Variants in SDK2 observed in about 807,000 individuals in gnomAD.
SDK2 encodes the protein sidekick cell adhesion molecule 2, also known as protein sidekick-2.
In SDK2, 105 loss-of-function variants were observed where a neutral mutation model predicts 253.9. The observed-to-expected ratio is 0.41, with a 90% CI of 0.35 to 0.49. The LOEUF is 0.49. Among genes scored for constraint, SDK2 ranks in the 20% least tolerant of loss-of-function variants. The pLI is 0.06. For missense variants in SDK2, 2,608 were observed against 3,003.0 expected (o/e 0.87, Z 3.07); for synonymous variants, 1,249 against 1,234.9 (o/e 1.01, Z -0.24).
intron 4 of SDK2, among the ~76,000 whole-genome samples, chr17:73,453,079 CT>C (rs1234644127): frequency 6.6e-6 from 1 of 152,244 alleles, no homozygotes; most frequent in Non-Finnish European, 1.5e-5. Context: ...TGTCCCGTGA[CT>C]TTGCAGGTCC....
chr17:73,385,501 G>T (rs920437684), intron 32 of SDK2, among the ~76,000 whole-genome samples: 1 of 152,122 alleles, frequency 6.6e-6, no homozygotes, highest in African/African-American at 2.4e-5. Flanking sequence ...GCAGGCCTAA[G>T]GCTAATACAC....
intron 1 of SDK2, among the ~76,000 whole-genome samples, chr17:73,572,686 T>TTGAC (rs1294683787): frequency 6.6e-6 from 1 of 152,192 alleles, no homozygotes; most frequent in East Asian, 1.9e-4. Flanking sequence ...TCCATAAAGA[T>TTGAC]TGACTGACTG....
In SDK2 at chr17:73,511,685, G is replaced by A. The variant is rs2063982144; in HGVS notation, c.65-4088C>T. Among the ~76,000 whole-genome samples, 1 of 152,156 alleles carries A rather than the reference G, an allele frequency of 6.6e-6. No individual in the cohort carries two copies. The highest frequency in any genetic ancestry group is 1.5e-5 in the Non-Finnish European group (1 of 68,014). ...GCGGTGAAGTCACCCCCTCCCGAAA[G>A]TCAACCTGCCCCCTGGATACAGGGA... is the stretch of plus-strand genomic sequence containing the variant. On this transcript the variant is annotated intron_variant, in intron 1 of 44. Coordinates refer to ENST00000392650, the MANE Select transcript of SDK2 (RefSeq NM_001144952.2). This position sits in a 1 kb window ranked among gnomAD's most constrained non-coding sequence, Gnocchi z 4.9.
At chr17:73,411,178 T>C (rs1002827499) in intron 18 of SDK2, among the ~76,000 whole-genome samples, 1 of 152,198 alleles carries the variant, frequency 6.6e-6, no homozygotes, top group African/African-American at 2.4e-5. Flanking sequence ...TTCACTGCCT[T>C]CCTGGGATTG....
At position 73,438,035 on chromosome 17, in the gene SDK2, T is replaced by C; in HGVS notation, c.845A>G (p.Tyr282Cys). Residue 282 changes from tyrosine to cysteine, a missense_variant, in exon 7 of 45, where the codon TAC becomes TGC. Coordinates refer to ENST00000392650, the MANE Select transcript of SDK2 (RefSeq NM_001144952.2). ...GCTGCGCAGGACAGCCTCACACTCG[T>C]AGTAGCCGGCGTCACTGCCGGTGGG... ...PNPTGSDAGY[Y>C]ECEAVLRSSS... 1 of 1,551,630 alleles carries C rather than the reference T, an allele frequency of 6.4e-7. No individual in the cohort carries two copies. The highest frequency in any genetic ancestry group is 8.7e-7 in the Non-Finnish European group (1 of 1,147,024).
At chr17:73,483,945 G>A (rs2063754682) in intron 2 of SDK2, among the ~76,000 whole-genome samples, 1 of 151,482 alleles carries the variant, frequency 6.6e-6, no homozygotes, top group Non-Finnish European at 1.5e-5. Flanking sequence ...CAGTTTAAAT[G>A]GCTGGGAAAA....
intron 1 of SDK2, among the ~76,000 whole-genome samples, chr17:73,562,855 C>T (rs2045257628): frequency 2.0e-5 from 3 of 152,218 alleles, no homozygotes; most frequent in Admixed American, 2.0e-4. Flanking sequence ...TGGCAGCAGC[C>T]GCACGAGGCA....
At position 73,506,139 on chromosome 17, in the gene SDK2, C is replaced by T. The variant is rs1448621038; in HGVS notation, c.224+1299G>A. On this transcript the variant is annotated intron_variant, in intron 2 of 44. Coordinates refer to ENST00000392650, the MANE Select transcript of SDK2 (RefSeq NM_001144952.2). ...CCATGCTCTTGGTCACCCACTTGAG[C>T]GTGTCCAAAGTCTAAGATGATGCAG... Among the ~76,000 whole-genome samples the T allele has an allele frequency of 3.3e-5, 5 of 152,352 alleles. No individual in the cohort carries two copies. The East Asian group carries it at 9.7e-4, about 29-fold the overall frequency.
intron 1 of SDK2, among the ~76,000 whole-genome samples, chr17:73,640,117 G>A (rs1323997270): frequency 6.6e-6 from 1 of 152,218 alleles, no homozygotes; most frequent in Non-Finnish European, 1.5e-5. Context: ...GAGGATCGCT[G>A]TAAAGAATTT....
intron 4 of SDK2, among the ~76,000 whole-genome samples, chr17:73,449,910 G>A (rs770734808): frequency 1.6e-4 from 25 of 151,896 alleles, no homozygotes; most frequent in Non-Finnish European, 2.9e-4. Context: ...GCAACAGAGC[G>A]AAACTCCATC....
At chr17:73,363,846 C>T (rs114801140) in intron 38 of SDK2, among the ~76,000 whole-genome samples, 99 of 152,116 alleles carry the variant, frequency 6.5e-4, no homozygotes, top group African/African-American at 2.2e-3. Flanking sequence ...TGTCCTCTGC[C>T]CCACTCCGGC....
At chr17:73,421,913 G>C (rs114390066) in intron 15 of SDK2, among the ~76,000 whole-genome samples, 2 of 152,060 alleles carry the variant, frequency 1.3e-5, no homozygotes, top group Non-Finnish European at 2.9e-5. Flanking sequence ...GCCTGGCGTC[G>C]TGCAAGACAT....
intron 1 of SDK2, among the ~76,000 whole-genome samples, chr17:73,573,191 ACACTCTGGGC>A (rs2045412470): frequency 1.3e-5 from 2 of 152,178 alleles, no homozygotes; most frequent in Non-Finnish European, 2.9e-5. Context: ...TGCAGAGAAC[ACACTCTGGGC>A]CAGCAGGCGG....
At chr17:73,387,690 C>A in intron 30 of SDK2, 146 bp downstream of exon 30, 1 of 666,684 alleles carries the variant, frequency 1.5e-6, no homozygotes, top group South Asian at 2.0e-5. Context: ...AGAGTGGACG[C>A]GGGGGCCGCC....
intron 9 of SDK2, 85 bp from the exon 10 acceptor site, chr17:73,433,933 AG>A: frequency 2.2e-6 from 2 of 908,412 alleles, no homozygotes; most frequent in Non-Finnish European, 3.3e-6. Flanking sequence ...AAGCCCACCG[AG>A]GGCCAGGCCC....
rs184492439 is a variant in SDK2, at chr17:73,616,289, T to C, written c.64+27736A>G. 1.3e-5 allele frequency among the ~76,000 whole-genome samples: 2 copies of C among 152,070 alleles called. No homozygotes were observed. The highest frequency in any genetic ancestry group is 3.9e-4 in the East Asian group (2 of 5,142). On this transcript the variant is annotated intron_variant, in intron 1 of 44. Coordinates refer to ENST00000392650, the MANE Select transcript of SDK2 (RefSeq NM_001144952.2). The surrounding 1 kb of genome is among the most constrained non-coding windows in gnomAD (Gnocchi z 5.2). ...GCCTTCCCCACCCTCTCCCCGCCTG[T>C]CTGAGCTAGACAAATTTCCACCCCC...
At chr17:73,422,980 CATT>C (rs2145587708) in intron 14 of SDK2, among the ~76,000 whole-genome samples, 1 of 152,142 alleles carries the variant, frequency 6.6e-6, no homozygotes, top group African/African-American at 2.4e-5. Context: ...GAGATGGCAC[CATT>C]GCACTCCAGC....
chr17:73,516,278 G>A (rs1319428134), intron 1 of SDK2, among the ~76,000 whole-genome samples: 1 of 152,250 alleles, frequency 6.6e-6, no homozygotes, highest in Non-Finnish European at 1.5e-5. Context: ...TCAAACCCAG[G>A]TGGGAGATGG....
chr17:73,541,023 G>A lies in SDK2; in HGVS notation c.65-33426C>T, dbSNP rs777122024. Among the ~76,000 whole-genome samples the A allele has an allele frequency of 6.6e-6, 1 of 152,172 alleles. No homozygotes were observed. The highest frequency in any genetic ancestry group is 1.5e-5 in the Non-Finnish European group (1 of 68,032). Reference sequence around the variant, plus strand: ...GCACTTTCCTGGCAAATGTGGTCTCGGCCATCAAGCTGCCAATGGTAAGCT... The same window carrying A: ...GCACTTTCCTGGCAAATGTGGTCTCAGCCATCAAGCTGCCAATGGTAAGCT... On this transcript the variant is annotated intron_variant, in intron 1 of 44. Transcript: ENST00000392650. The surrounding 1 kb of genome is among the most constrained non-coding windows in gnomAD (Gnocchi z 4.3).
Sources: allele counts gnomAD v4.1 joint callset (sites outside exome capture counted in the v4.1 genomes callset), GRCh38; gene constraint gnomAD v4.1.1; non-coding constraint Gnocchi (gnomAD v3.1); transcripts MANE v1.5; gene names NCBI Gene and HGNC (gene_info 2026-07-23, HGNC 2026-07-21).